NEO1: variants seen among roughly 807,000 people sequenced by gnomAD.
The protein encoded by NEO1 is neogenin.
In NEO1, 63 loss-of-function variants were observed where a neutral mutation model predicts 159.7. That is an observed-to-expected ratio of 0.39 (90% CI 0.32 to 0.49). The LOEUF (loss-of-function observed/expected upper bound fraction) is 0.49. Among genes scored for constraint, NEO1 ranks in the 20% least tolerant of loss-of-function variants. The pLI is 0.85. For synonymous variants in NEO1, 633 were observed against 662.0 expected, an observed-to-expected ratio of 0.96 and a Z score of 0.67; for missense variants, 1,615 against 1,831.0, an observed-to-expected ratio of 0.88 and a Z score of 2.15.
At chr15:73,302,481 C>T (rs1446114125) in intron 28 of NEO1, 132 bp from the exon 29 acceptor site, 26 of 721,122 alleles carry the variant, frequency 3.6e-5, no homozygotes, top group South Asian at 1.0e-4. Context: ...TTCTGAGCCA[C>T]CCTGCGTGTT....
chr15:73,214,474 T>A (rs1157242065), intron 7 of NEO1, among the ~76,000 whole-genome samples: 1 of 152,188 alleles, frequency 6.6e-6, no homozygotes, highest in Non-Finnish European at 1.5e-5. Context: ...GGATCCAGTT[T>A]CATTCTCCTA....
intron 7 of NEO1, among the ~76,000 whole-genome samples, chr15:73,205,865 A>T (rs908297909): frequency 1.3e-5 from 2 of 152,106 alleles, no homozygotes; most frequent in African/African-American, 2.4e-5. Context: ...TTGAAACTGG[A>T]CATCTCTCCT....
intron 1 of NEO1, among the ~76,000 whole-genome samples, chr15:73,064,066 T>A (rs2068095067): frequency 6.6e-6 from 1 of 152,214 alleles, no homozygotes; most frequent in African/African-American, 2.4e-5. Flanking sequence ...TTTAAAAAAA[T>A]TCTGTAAGCT....
rs1330178138 is a variant in NEO1, at chr15:73,135,885, AC to A, written c.879-5del. ...TATCTTTTTTTTTTTTTTTTTTTTA[AC>A]ACAGCTCTGAAAGATTGGTATTGCT... On this transcript the variant is annotated splice_polypyrimidine_tract_variant and splice_region_variant and intron_variant, in intron 4 of 28. Transcript: ENST00000261908. 2.0e-6 allele frequency: 3 copies of A among 1,476,546 alleles called. No homozygotes were observed. Among genetic ancestry groups the A allele is most frequent in the Non-Finnish European group, 2.7e-6 (3 of 1,121,636 alleles). The allele number at this position is 1,476,546 out of a possible 1,614,324, so 91.5% of individuals were successfully genotyped here.
intron 1 of NEO1, among the ~76,000 whole-genome samples, chr15:73,081,582 G>GT (rs960256922): frequency 7.8e-4 from 114 of 145,908 alleles, no homozygotes; most frequent in East Asian, 1.2e-3. Flanking sequence ...TAAGTGTTTT[G>GT]TTTTTTTTTT....
chr15:73,271,526 A>T (rs2041169095), intron 18 of NEO1, among the ~76,000 whole-genome samples: 1 of 152,236 alleles, frequency 6.6e-6, no homozygotes, highest in African/African-American at 2.4e-5. Flanking sequence ...TAACCTCAAT[A>T]GTTGGCAGTA....
chr15:73,187,655 A>C (rs1296296435), intron 7 of NEO1, among the ~76,000 whole-genome samples: 1 of 152,196 alleles, frequency 6.6e-6, no homozygotes, highest in Non-Finnish European at 1.5e-5. Flanking sequence ...AATCTGTAAC[A>C]AATATGTGTA....
intron 1 of NEO1, among the ~76,000 whole-genome samples, chr15:73,067,092 TG>T (rs2068259795): frequency 6.6e-6 from 1 of 152,230 alleles, no homozygotes; most frequent in African/African-American, 2.4e-5. Context: ...GAAGTTTGTC[TG>T]GTTTTTCATC....
At chr15:73,126,877 A>T (rs1435479043) in intron 4 of NEO1, among the ~76,000 whole-genome samples, 1 of 152,172 alleles carries the variant, frequency 6.6e-6, no homozygotes, top group South Asian at 2.1e-4. Context: ...GAGTAGCCTG[A>T]GTCTTCTCAC....
intron 5 of NEO1, among the ~76,000 whole-genome samples, chr15:73,172,360 T>C (rs934786005): frequency 1.4e-4 from 22 of 152,200 alleles, no homozygotes; most frequent in African/African-American, 5.3e-4. Context: ...CATAATAGAA[T>C]TGTTCTAGGA....
intron 1 of NEO1, among the ~76,000 whole-genome samples, chr15:73,103,400 G>T (rs1567199738): frequency 1.3e-5 from 2 of 152,144 alleles, no homozygotes; most frequent in Admixed American, 1.3e-4. Context: ...CTGCCAGCTT[G>T]TTTCCAGGCC....
At chr15:73,136,212 A>G (rs1398017840) in intron 5 of NEO1, among the ~76,000 whole-genome samples, 185 bp downstream of exon 5, 1 of 152,180 alleles carries the variant, frequency 6.6e-6, no homozygotes, top group Non-Finnish European at 1.5e-5. Context: ...TAGGAAACTT[A>G]TTTAATTTCT....
intron 1 of NEO1, among the ~76,000 whole-genome samples, chr15:73,081,323 T>C (rs1303170341): frequency 6.6e-6 from 1 of 152,212 alleles, no homozygotes; most frequent in African/African-American, 2.4e-5. Context: ...TTTAATATTC[T>C]GTTCTCTTTA....
rs763452827 is a variant in NEO1, at chr15:73,270,099, G to C, written c.2584G>C (p.Ala862Pro). ...TPMMPPVGVQ[A>P]SILSHDTIRI... ...CATGATGCCACCAGTGGGAGTTCAG[G>C]CTTCCATTCTGAGTCATGACACCAT... is the stretch of plus-strand genomic sequence containing the variant. The change falls in exon 17 of 29, where the codon GCT becomes CCT. Residue 862 changes from alanine to proline, a missense_variant. Physicochemically the swap from Ala to Pro is conservative, Grantham distance 27. Transcript: ENST00000261908. 1.9e-6 allele frequency: 3 copies of C among 1,614,108 alleles called. No individual in the cohort carries two copies. In the South Asian group the frequency reaches 3.3e-5, roughly 18 times the overall value.
In NEO1 at chr15:73,169,317, G is replaced by C. The variant is rs138965542; in HGVS notation, c.1016-7086G>C. Among the ~76,000 whole-genome samples, 647 of 152,204 alleles carry C rather than the reference G, an allele frequency of 4.3e-3. 3 individuals carry two copies. The highest frequency in any genetic ancestry group is 6.7e-3 in the Non-Finnish European group (457 of 67,968). ...TGAAGGGATAGGGAGCTGTCAAAGA[G>C]GATTTGAAGCTTAATTATCTCTTTG... On this transcript the variant is annotated intron_variant, in intron 5 of 28. Coordinates refer to ENST00000261908, the MANE Select transcript of NEO1 (RefSeq NM_002499.4).
intron 5 of NEO1, among the ~76,000 whole-genome samples, chr15:73,146,713 A>G (rs1436237395): frequency 6.6e-6 from 1 of 152,252 alleles, no homozygotes; most frequent in Non-Finnish European, 1.5e-5. Flanking sequence ...AAGACCAGAA[A>G]TATCCATGTG....
chr15:73,168,382 G>C (rs532549173), intron 5 of NEO1, among the ~76,000 whole-genome samples: 6 of 46,296 alleles, frequency 1.3e-4, no homozygotes, highest in East Asian at 4.8e-4. Flanking sequence ...CGGGGGGTGG[G>C]GGGGGGGGGT....
At chr15:73,241,033 A>G (rs1189655800) in intron 8 of NEO1, among the ~76,000 whole-genome samples, 4 of 152,196 alleles carry the variant, frequency 2.6e-5, no homozygotes, top group Non-Finnish European at 5.9e-5. Context: ...CTGCATTTAC[A>G]AATTCACCCA....
intron 1 of NEO1, among the ~76,000 whole-genome samples, chr15:73,064,796 A>G (rs776265063): frequency 6.6e-6 from 1 of 152,162 alleles, no homozygotes; most frequent in Non-Finnish European, 1.5e-5. Context: ...TTATGTTTGT[A>G]GCACGTGGTT....
Sources: allele counts gnomAD v4.1 joint callset (sites outside exome capture counted in the v4.1 genomes callset), GRCh38; gene constraint gnomAD v4.1.1; transcripts MANE v1.5; gene names NCBI Gene and HGNC (gene_info 2026-07-23, HGNC 2026-07-21).